SOX1: variants seen among roughly 807,000 people sequenced by gnomAD.
SOX1 encodes the protein transcription factor SOX-1.
Under a neutral mutation model 0.9 loss-of-function variants are expected in SOX1, and 1 was observed. That is an observed-to-expected ratio of 1.07 (90% CI 0.38 to 5.06). The LOEUF (loss-of-function observed/expected upper bound fraction) is 5.06. Among genes scored for constraint, SOX1 ranks in the 30% most tolerant of loss-of-function variants. SOX1 has a pLI of 0.16. For missense variants in SOX1, 564 were observed against 534.4 expected (o/e 1.06, Z -0.55); for synonymous variants, 397 against 265.5 (o/e 1.50, Z -4.81).
Position 112,071,507 on chromosome 13 carries a change from A to C in SOX1, c.*2673A>C, listed in dbSNP as rs1875875223. Among the ~76,000 whole-genome samples, 1 of 152,160 alleles carries C rather than the reference A, an allele frequency of 6.6e-6. No homozygotes were observed. The highest frequency in any genetic ancestry group is 1.5e-5 in the Non-Finnish European group (1 of 68,032). On this transcript the variant is annotated 3_prime_UTR_variant, in exon 1 of 1. Transcript: ENST00000330949. ...TTAGCTGAGATTCATCTCAGGATTG[A>C]GATTCTATCCCCCCTTCCCCGCCCC...
chr13:112,068,520 G>T lies in SOX1; in HGVS notation c.862G>T (p.Ala288Ser). 1 of 977,254 alleles carries T rather than the reference G, an allele frequency of 1.0e-6. No individual in the cohort carries two copies. The highest frequency in any genetic ancestry group is 1.2e-6 in the Non-Finnish European group (1 of 822,330). 60.5% of individuals were successfully genotyped at this position (977,254 alleles called of 1,614,324 possible). ...CGCCGCGGCCGCCGCCGCCGCCGCT[G>T]CGGGCGGCGCGCACCAGAACTCGGC... ...YGAAAAAAAA[A>S]GGAHQNSAVA... The change falls in exon 1 of 1, where the codon GCG becomes TCG. Residue 288 changes from alanine (A) to serine (S), a missense_variant. Physicochemically the swap from Ala to Ser is moderately conservative, Grantham distance 99. Transcript: ENST00000330949. This position sits in a 1 kb window ranked among gnomAD's most constrained non-coding sequence, Gnocchi z 6.9.
Position 112,068,381 on chromosome 13 carries a change from C to G in SOX1, c.723C>G (p.His241Gln), listed in dbSNP as rs1405108198. ...CGCACCACCCGCACGCGCACCCGCA[C>G]AACCCGCAGCCCATGCACCGCTACG... Reference protein sequence around the residue: ...PHPHHPHAHPHNPQPMHRYDM... With the variant: ...PHPHHPHAHPQNPQPMHRYDM... Residue 241 changes from histidine to glutamine, a missense_variant, in exon 1 of 1, where the codon CAC becomes CAG. Transcript: ENST00000330949. The surrounding 1 kb of genome is among the most constrained non-coding windows in gnomAD (Gnocchi z 6.9). 7.8e-7 allele frequency: 1 copy of G among 1,284,426 alleles called. No homozygotes were observed. Among genetic ancestry groups the G allele is most frequent in the Non-Finnish European group, 1.0e-6 (1 of 995,246 alleles). The allele number at this position is 1,284,426 out of a possible 1,614,324, so 79.6% of individuals were successfully genotyped here. A position where few individuals can be genotyped will look rare whatever the true frequency, so the allele number is the denominator to read the frequency against.
chr13:112,071,274 A>T lies in SOX1; in HGVS notation c.*2440A>T, dbSNP rs1345308460. On this transcript the variant is annotated 3_prime_UTR_variant, in exon 1 of 1. Transcript: ENST00000330949. ...TAGAGGCACAGACTATGAAAAGCTG[A>T]GTTAGTGCGCCCGGGACGCCAGGCA... is the stretch of plus-strand genomic sequence containing the variant. 6.6e-6 allele frequency among the ~76,000 whole-genome samples: 1 copy of T among 152,154 alleles called. No individual in the cohort carries two copies. The highest frequency in any genetic ancestry group is 1.5e-5 in the Non-Finnish European group (1 of 68,042).
Position 112,071,270 on chromosome 13 carries a change from G to C in SOX1, c.*2436G>C, listed in dbSNP as rs7989980. On this transcript the variant is annotated 3_prime_UTR_variant, in exon 1 of 1. Coordinates refer to ENST00000330949, the MANE Select transcript of SOX1 (RefSeq NM_005986.3). ...ACTTTAGAGGCACAGACTATGAAAA[G>C]CTGAGTTAGTGCGCCCGGGACGCCA... Among the ~76,000 whole-genome samples the C allele has an allele frequency of 2.0e-5, 3 of 152,212 alleles. No individual in the cohort carries two copies. The highest frequency in any genetic ancestry group is 6.5e-5 in the Admixed American group (1 of 15,288).
Position 112,067,784 on chromosome 13 carries a change from G to C in SOX1, c.126G>C (p.Gly42=), listed in dbSNP as rs1880762736. The C allele has an allele frequency of 2.2e-6, 3 of 1,342,248 alleles. No homozygotes were observed. Among genetic ancestry groups the C allele is most frequent in the East Asian group, 2.9e-5 (1 of 34,252 alleles). The allele number at this position is 1,342,248 out of a possible 1,614,324, so 83.1% of individuals were successfully genotyped here. Residue 42 remains glycine, a synonymous_variant, in exon 1 of 1, where the codon GGG becomes GGC. Transcript: ENST00000330949. This position sits in a 1 kb window ranked among gnomAD's most constrained non-coding sequence, Gnocchi z 5.1. ...GAGGCGGGGGCGGCGGCGGCGGCGG[G>C]GGCGCCAAGGCCAACCAGGACCGGG... ...GGGGGGGGGG[G]GAKANQDRVK...
chr13:112,068,188 C>T lies in SOX1; in HGVS notation c.530C>T (p.Ala177Val). ...GQRLESPGGAAGGGYAHVNGW... is the reference protein window; with the variant it reads ...GQRLESPGGAVGGGYAHVNGW... ...CGCCTGGAGAGCCCAGGCGGCGCGGCGGGCGGCGGCTACGCGCACGTCAAC... is the reference window on the plus strand; with the variant it reads ...CGCCTGGAGAGCCCAGGCGGCGCGGTGGGCGGCGGCTACGCGCACGTCAAC... Residue 177 changes from alanine to valine, a missense_variant, in exon 1 of 1, where the codon GCG becomes GTG. Transcript: ENST00000330949. This position sits in a 1 kb window ranked among gnomAD's most constrained non-coding sequence, Gnocchi z 6.9. The T allele has an allele frequency of 1.2e-6, 1 of 814,286 alleles. No individual in the cohort carries two copies. The highest frequency in any genetic ancestry group is 1.5e-6 in the Non-Finnish European group (1 of 672,766). The allele number at this position is 814,286 out of a possible 1,614,324, so 50.4% of individuals were successfully genotyped here.
In SOX1 at chr13:112,067,643, C is replaced by G. The variant is rs757801852; in HGVS notation, c.-16C>G. 6.3e-6 allele frequency: 8 copies of G among 1,271,826 alleles called. No individual in the cohort carries two copies. The East Asian group carries it at 2.4e-4, about 38-fold the overall frequency. The allele number at this position is 1,271,826 out of a possible 1,614,324, so 78.8% of individuals were successfully genotyped here. On this transcript the variant is annotated 5_prime_UTR_variant, in exon 1 of 1. Transcript: ENST00000330949. This position sits in a 1 kb window ranked among gnomAD's most constrained non-coding sequence, Gnocchi z 5.1. ...GCCCTCTCCTCGCGGTGCCGGTGAA[C>G]CCGCCAGCCGCCCCGATGTACAGCA...
rs1450065841 is a variant in SOX1, at chr13:112,070,477, A to T, written c.*1643A>T. 6.0e-6 allele frequency: 1 copy of T among 166,718 alleles called. No homozygotes were observed. Among genetic ancestry groups the T allele is most frequent in the Non-Finnish European group, 1.5e-5 (1 of 68,064 alleles). 10.3% of individuals were successfully genotyped at this position (166,718 alleles called of 1,614,324 possible). ...GTAATCTGACAGCATTAAATATTGC[A>T]TTTAAAAATTATACTGTAGCAAATA... On this transcript the variant is annotated 3_prime_UTR_variant, in exon 1 of 1. Coordinates refer to ENST00000330949, the MANE Select transcript of SOX1 (RefSeq NM_005986.3).
Position 112,067,364 on chromosome 13 carries a change from G to C in SOX1, c.-295G>C, listed in dbSNP as rs972631189. 1.3e-5 allele frequency among the ~76,000 whole-genome samples: 2 copies of C among 152,194 alleles called. No homozygotes were observed. The highest frequency in any genetic ancestry group is 2.9e-5 in the Non-Finnish European group (2 of 68,032). On this transcript the variant is annotated 5_prime_UTR_variant, in exon 1 of 1. Coordinates refer to ENST00000330949, the MANE Select transcript of SOX1 (RefSeq NM_005986.3). This position sits in a 1 kb window ranked among gnomAD's most constrained non-coding sequence, Gnocchi z 5.1. ...CTGCACCTGTTTGCACCGCTCCGCC[G>C]AGGGCGCCTGGGCTGCGGTGGCGGC...
rs746517332 is a variant in SOX1 at position 112,068,312 on chromosome 13, C to A, written c.654C>A (p.Gly218=). The A allele has an allele frequency of 2.6e-5, 28 of 1,057,128 alleles. No homozygotes were observed. The South Asian group carries it at 9.0e-4, about 34-fold the overall frequency. The allele number at this position is 1,057,128 out of a possible 1,614,324, so 65.5% of individuals were successfully genotyped here. ...AGCTGGCCTACGGGCAGCACCCGGG[C>A]GCGGGCGGCGCGCACCCGCACGCGC... ...EAQLAYGQHP[G]AGGAHPHAHP... is the part of the protein sequence containing the mutation. The change falls in exon 1 of 1, where the codon GGC becomes GGA. Residue 218 remains glycine (G), a synonymous_variant. Transcript: ENST00000330949. The surrounding 1 kb of genome is among the most constrained non-coding windows in gnomAD (Gnocchi z 6.9).
chr13:112,067,897 A>G lies in SOX1; in HGVS notation c.239A>G (p.Glu80Gly). The change falls in exon 1 of 1, where the codon GAG becomes GGG. Residue 80 changes from glutamate to glycine, a missense_variant. Physicochemically the swap from Glu to Gly is moderately conservative, Grantham distance 98 (BLOSUM62 -2). Coordinates refer to ENST00000330949, the MANE Select transcript of SOX1 (RefSeq NM_005986.3). This position sits in a 1 kb window ranked among gnomAD's most constrained non-coding sequence, Gnocchi z 5.1. ...AQENPKMHNS[E>G]ISKRLGAEWK... ...GAGAACCCCAAGATGCACAACTCGGAGATCAGCAAGCGCCTGGGGGCCGAG... is the reference window on the plus strand; with the variant it reads ...GAGAACCCCAAGATGCACAACTCGGGGATCAGCAAGCGCCTGGGGGCCGAG... 6.2e-7 allele frequency: 1 copy of G among 1,608,160 alleles called. No individual in the cohort carries two copies. The highest frequency in any genetic ancestry group is 1.1e-5 in the South Asian group (1 of 90,816).
rs1446413137 is a variant in SOX1 at position 112,067,773 on chromosome 13, G to A, written c.115G>A (p.Gly39Ser). 6.9e-6 allele frequency: 9 copies of A among 1,304,098 alleles called. No individual in the cohort carries two copies. Among genetic ancestry groups the A allele is most frequent in the Admixed American group, 3.4e-5 (1 of 29,630 alleles). 80.8% of individuals were successfully genotyped at this position (1,304,098 alleles called of 1,614,324 possible). A position where few individuals can be genotyped will look rare whatever the true frequency, so the allele number is the denominator to read the frequency against. The change falls in exon 1 of 1, where the codon GGC (glycine) becomes AGC (serine). Residue 39 changes from glycine to serine, a missense_variant. Transcript: ENST00000330949. This position sits in a 1 kb window ranked among gnomAD's most constrained non-coding sequence, Gnocchi z 5.1. ...GGGGGGGGGGGGGGGAKANQD... is the reference protein window; with the variant it reads ...GGGGGGGGGGSGGGGAKANQD... Reference sequence around the variant, plus strand: ...CGGCGGGGGCGGAGGCGGGGGCGGCGGCGGCGGCGGGGGCGCCAAGGCCAA... The same window carrying A: ...CGGCGGGGGCGGAGGCGGGGGCGGCAGCGGCGGCGGGGGCGCCAAGGCCAA...
rs780716193 is a variant in SOX1 at position 112,068,465 on chromosome 13, G to A, written c.807G>A (p.Ser269=). 8.5e-7 allele frequency: 1 copy of A among 1,177,698 alleles called. No individual in the cohort carries two copies. Among genetic ancestry groups the A allele is most frequent in the African/African-American group, 1.7e-5 (1 of 59,800 alleles). The allele number at this position is 1,177,698 out of a possible 1,614,324, so 73.0% of individuals were successfully genotyped here. A position where few individuals can be genotyped will look rare whatever the true frequency, so the allele number is the denominator to read the frequency against. Residue 269 remains serine, a synonymous_variant, in exon 1 of 1, where the codon TCG becomes TCA. Transcript: ENST00000330949. The surrounding 1 kb of genome is among the most constrained non-coding windows in gnomAD (Gnocchi z 6.9). The part of the protein sequence containing the change: ...ISNSQGYMSA[S]PSGYGGLPYG... ...ACTCGCAGGGCTACATGAGCGCGTC[G>A]CCCTCGGGCTACGGCGGCCTCCCCT...
chr13:112,067,396 G>C lies in SOX1; in HGVS notation c.-263G>C, dbSNP rs1202779315. Among the ~76,000 whole-genome samples the C allele has an allele frequency of 6.6e-6, 1 of 152,158 alleles. No homozygotes were observed. On this transcript the variant is annotated 5_prime_UTR_variant, in exon 1 of 1. Coordinates refer to ENST00000330949, the MANE Select transcript of SOX1 (RefSeq NM_005986.3). This position sits in a 1 kb window ranked among gnomAD's most constrained non-coding sequence, Gnocchi z 5.1. ...CCTGGGCTGCGGTGGCGGCGAAGAC[G>C]GCGACCCCGACCGTCGGCCTCTTTG...
Position 112,071,403 on chromosome 13 carries a change from A to ATG in SOX1, c.*2570_*2571insGT, listed in dbSNP as rs922521298. ...ACCACCTTATTTCCTTGTTTTGTTGATTAGAACAACACAGAAAAAAGCAAA... is the reference window on the plus strand; with the variant it reads ...ACCACCTTATTTCCTTGTTTTGTTGATGTTAGAACAACACAGAAAAAAGCAAA... On this transcript the variant is annotated 3_prime_UTR_variant, in exon 1 of 1. Transcript: ENST00000330949. Among the ~76,000 whole-genome samples the ATG allele has an allele frequency of 1.3e-5, 2 of 152,218 alleles. No homozygotes were observed. The highest frequency in any genetic ancestry group is 1.5e-5 in the Non-Finnish European group (1 of 68,048).
chr13:112,069,602 T>C lies in SOX1; in HGVS notation c.*768T>C, dbSNP rs1224705284. The C allele has an allele frequency of 6.0e-6, 1 of 167,026 alleles. No individual in the cohort carries two copies. Among genetic ancestry groups the C allele is most frequent in the Non-Finnish European group, 1.5e-5 (1 of 68,112 alleles). 10.3% of individuals were successfully genotyped at this position (167,026 alleles called of 1,614,324 possible). On this transcript the variant is annotated 3_prime_UTR_variant, in exon 1 of 1. Coordinates refer to ENST00000330949, the MANE Select transcript of SOX1 (RefSeq NM_005986.3). ...AAAAAGACCCCCCACCCAAAATGTT[T>C]CGAGTCAACAAATTTAAGAGACAGA...
chr13:112,068,838 C>T lies in SOX1; in HGVS notation c.*4C>T. On this transcript the variant is annotated 3_prime_UTR_variant, in exon 1 of 1. Transcript: ENST00000330949. This position sits in a 1 kb window ranked among gnomAD's most constrained non-coding sequence, Gnocchi z 6.9. ...GGTGCCCCTGACGCACATCTAGCGC[C>T]TTCGGGACGCCGGGGACTCTGCGGC... 2 of 1,216,282 alleles carry T rather than the reference C, an allele frequency of 1.6e-6. No homozygotes were observed. The highest frequency in any genetic ancestry group is 4.0e-5 in the South Asian group (1 of 25,292). The allele number at this position is 1,216,282 out of a possible 1,614,324, so 75.3% of individuals were successfully genotyped here. A position where few individuals can be genotyped will look rare whatever the true frequency, so the allele number is the denominator to read the frequency against.
In SOX1 at chr13:112,068,557, C is replaced by T; in HGVS notation, c.899C>T (p.Ala300Val). 1.0e-6 allele frequency: 1 copy of T among 1,001,384 alleles called. No individual in the cohort carries two copies. The highest frequency in any genetic ancestry group is 1.2e-6 in the Non-Finnish European group (1 of 840,822). 62.0% of individuals were successfully genotyped at this position (1,001,384 alleles called of 1,614,324 possible). ...GAHQNSAVAAAAAAAAASSGA... is the reference protein window; with the variant it reads ...GAHQNSAVAAVAAAAAASSGA... ...CACCAGAACTCGGCCGTGGCGGCGG[C>T]GGCGGCGGCGGCGGCCGCGTCGTCG... Residue 300 changes from alanine (A) to valine (V), a missense_variant, in exon 1 of 1, where the codon GCG (alanine) becomes GTG (valine). By Grantham distance (64) the Ala-to-Val change is moderately conservative (BLOSUM62 0). Transcript: ENST00000330949. This position sits in a 1 kb window ranked among gnomAD's most constrained non-coding sequence, Gnocchi z 6.9.
Position 112,068,527 on chromosome 13 carries a change from G to C in SOX1, c.869G>C (p.Gly290Ala). The C allele has an allele frequency of 3.0e-6, 3 of 988,716 alleles. No individual in the cohort carries two copies. Among genetic ancestry groups the C allele is most frequent in the Non-Finnish European group, 3.6e-6 (3 of 830,968 alleles). The allele number at this position is 988,716 out of a possible 1,614,324, so 61.2% of individuals were successfully genotyped here. A position where few individuals can be genotyped will look rare whatever the true frequency, so the allele number is the denominator to read the frequency against. ...AAAAAAAAAG[G>A]AHQNSAVAAA... ...GCCGCCGCCGCCGCCGCTGCGGGCG[G>C]CGCGCACCAGAACTCGGCCGTGGCG... Residue 290 changes from glycine to alanine, a missense_variant, in exon 1 of 1, where the codon GGC (glycine) becomes GCC (alanine). Transcript: ENST00000330949. The surrounding 1 kb of genome is among the most constrained non-coding windows in gnomAD (Gnocchi z 6.9).
Sources: allele counts gnomAD v4.1 joint callset (sites outside exome capture counted in the v4.1 genomes callset), GRCh38; gene constraint gnomAD v4.1.1; non-coding constraint Gnocchi (gnomAD v3.1); transcripts MANE v1.5; gene names NCBI Gene and HGNC (gene_info 2026-07-23, HGNC 2026-07-21).